The following AHCTF1 variants were observed in gnomAD, a reference collection of about 807,000 sequenced individuals.
AHCTF1 encodes AT-hook containing transcription factor 1, also known as protein ELYS.
A neutral mutation model predicts 248.4 loss-of-function variants in AHCTF1; 24 were observed. That is an observed-to-expected ratio of 0.10 (90% CI 0.07 to 0.14). AHCTF1 has a LOEUF of 0.14. AHCTF1 is among the 10% of genes least tolerant of loss of function. The probability of loss-of-function intolerance (pLI) is 1.00; values close to 1 mark genes in which losing one functional copy is unlikely to be tolerated. For synonymous variants in AHCTF1, 786 were observed against 929.8 expected (o/e 0.85, Z 2.81); for missense variants, 2,206 against 2,636.2 (o/e 0.84, Z 3.57).
chr1:246,882,355 G>C (rs574234875), intron 21 of AHCTF1, among the ~76,000 whole-genome samples: 1 of 152,180 alleles, frequency 6.6e-6, no homozygotes, highest in African/African-American at 2.4e-5. Flanking sequence ...GTACCACATG[G>C]ATCACATTAT....
At chr1:246,854,660 A>G (rs1196429132) in intron 31 of AHCTF1, among the ~76,000 whole-genome samples, 2 of 152,186 alleles carry the variant, frequency 1.3e-5, no homozygotes, top group Non-Finnish European at 2.9e-5. Flanking sequence ...CGCTACACAA[A>G]ACACTTTACA....
chr1:246,865,190 T>C (rs573754104), intron 26 of AHCTF1: 1 of 152,358 alleles, frequency 6.6e-6, no homozygotes, highest in Non-Finnish European at 1.5e-5. Flanking sequence ...GTCTATCTTA[T>C]GGTTGTATTT....
At chr1:246,859,570 A>C (rs1661371357) in intron 29 of AHCTF1, among the ~76,000 whole-genome samples, 1 of 152,110 alleles carries the variant, frequency 6.6e-6, no homozygotes, top group Admixed American at 6.5e-5. Context: ...TCACTAAAAT[A>C]ATATTTTTTT....
At chr1:246,927,211 T>A (rs1393408207) in intron 1 of AHCTF1, among the ~76,000 whole-genome samples, 1 of 146,790 alleles carries the variant, frequency 6.8e-6, no homozygotes, top group Non-Finnish European at 1.5e-5. Flanking sequence ...GGCCAGGCAC[T>A]GTGGCTCACA....
At position 246,890,947 on chromosome 1, in the gene AHCTF1, A is replaced by G. The variant is rs766931539; in HGVS notation, c.2050+9T>C. ...TAATTAATACTTATAGATTAAGTAAATATTTTACCTATGCCTTCTGGTAAA... is the reference window on the plus strand; with the variant it reads ...TAATTAATACTTATAGATTAAGTAAGTATTTTACCTATGCCTTCTGGTAAA... On this transcript the variant is annotated intron_variant, in intron 16 of 35. Coordinates refer to ENST00000648844, the MANE Select transcript of AHCTF1 (RefSeq NM_001323342.2). 4.0e-6 allele frequency: 6 copies of G among 1,487,938 alleles called. No homozygotes were observed. In the South Asian group the frequency reaches 5.7e-5, roughly 14 times the overall value. 92.2% of individuals were successfully genotyped at this position (1,487,938 alleles called of 1,614,324 possible). A position where few individuals can be genotyped will look rare whatever the true frequency, so the allele number is the denominator to read the frequency against.
chr1:246,915,412 G>A (rs943850490), intron 3 of AHCTF1, among the ~76,000 whole-genome samples: 6 of 151,900 alleles, frequency 3.9e-5, no homozygotes, highest in East Asian at 1.9e-4. Flanking sequence ...AAAACCTAAC[G>A]TTTCTGGCCC....
intron 24 of AHCTF1, among the ~76,000 whole-genome samples, chr1:246,871,719 G>T (rs1223347102): frequency 1.3e-5 from 2 of 151,454 alleles, no homozygotes; most frequent in Non-Finnish European, 2.9e-5. Context: ...ATTTTTTTTT[G>T]AGGCCTCCTG....
chr1:246,869,011 A>AT (rs1558231983), intron 24 of AHCTF1, among the ~76,000 whole-genome samples: 1 of 151,092 alleles, frequency 6.6e-6, no homozygotes, highest in Non-Finnish European at 1.5e-5. Flanking sequence ...TGCCTGGCTA[A>AT]CTTTTTCTAT....
At chr1:246,845,246 T>G (rs1010456448) in intron 33 of AHCTF1, among the ~76,000 whole-genome samples, 3 of 152,152 alleles carry the variant, frequency 2.0e-5, no homozygotes, top group African/African-American at 7.2e-5. Context: ...TAAAAATGTT[T>G]TTTGTGGGTA....
chr1:246,843,976 A>G (rs932434617), intron 33 of AHCTF1, 48 bp from the exon 34 acceptor site: 1 of 1,232,218 alleles, frequency 8.1e-7, no homozygotes, highest in Non-Finnish European at 1.1e-6. Context: ...ATATGTGTGT[A>G]TATATATAAA....
intron 24 of AHCTF1, among the ~76,000 whole-genome samples, chr1:246,869,060 G>A (rs1408014743): frequency 2.0e-5 from 3 of 151,534 alleles, no homozygotes; most frequent in South Asian, 2.1e-4. Context: ...TGGCCAGGAT[G>A]GTCTCGATCT....
At chr1:246,928,786 T>C (rs546383693) in intron 1 of AHCTF1, among the ~76,000 whole-genome samples, 3 of 152,346 alleles carry the variant, frequency 2.0e-5, no homozygotes, top group African/African-American at 7.2e-5. Context: ...TTGTATGCAA[T>C]GGTACTTTTT....
At chr1:246,841,553 T>G (rs1003778817) in intron 35 of AHCTF1, among the ~76,000 whole-genome samples, 2 of 152,232 alleles carry the variant, frequency 1.3e-5, no homozygotes, top group Non-Finnish European at 2.9e-5. Context: ...AACAAGATAC[T>G]GTGTAACAAA....
chr1:246,896,011 T>G, intron 12 of AHCTF1, 86 bp from the exon 13 acceptor site: 1 of 1,106,998 alleles, frequency 9.0e-7, no homozygotes, highest in Non-Finnish European at 1.3e-6. Flanking sequence ...ATTTAAAAAT[T>G]TTAAGGCTAA....
At chr1:246,853,630 C>T (rs528702836) in intron 31 of AHCTF1, among the ~76,000 whole-genome samples, 18 of 150,660 alleles carry the variant, frequency 1.2e-4, no homozygotes, top group African/African-American at 4.5e-4. Flanking sequence ...AACCAGCTAT[C>T]CTTGTAGAGT....
intron 3 of AHCTF1, 60 bp from the exon 4 acceptor site, chr1:246,913,472 C>A: frequency 2.7e-6 from 4 of 1,491,256 alleles, no homozygotes; most frequent in Non-Finnish European, 2.7e-6. Flanking sequence ...ATAATTAACA[C>A]AATAAATTTA....
rs1206715202 is a variant in AHCTF1, at chr1:246,849,977, G to A, written c.6029C>T (p.Thr2010Ile). 4 of 1,613,932 alleles carry A rather than the reference G, an allele frequency of 2.5e-6. No homozygotes were observed. Among genetic ancestry groups the A allele is most frequent in the South Asian group, 1.1e-5 (1 of 91,062 alleles). ...TTCACTTTTAGCTGGGGTATTTCTTGTAGATCTCCTTCTAATGCTGGGAGC... is the reference window on the plus strand; with the variant it reads ...TTCACTTTTAGCTGGGGTATTTCTTATAGATCTCCTTCTAATGCTGGGAGC... ...KEAPSIRRRS[T>I]RNTPAKSENV... Residue 2010 changes from threonine (T) to isoleucine (I), a missense_variant, in exon 33 of 36, where the codon ACA becomes ATA. By Grantham distance (89) the Thr-to-Ile change is moderately conservative. Coordinates refer to ENST00000648844, the MANE Select transcript of AHCTF1 (RefSeq NM_001323342.2).
At chr1:246,874,963 T>C (rs1662837361) in intron 24 of AHCTF1, among the ~76,000 whole-genome samples, 1 of 152,184 alleles carries the variant, frequency 6.6e-6, no homozygotes, top group Admixed American at 6.5e-5. Context: ...TCCTGCTATT[T>C]AGCCAGTTTC....
chr1:246,865,090 TAAA>T (rs2103074931), intron 26 of AHCTF1, among the ~76,000 whole-genome samples: 1 of 152,338 alleles, frequency 6.6e-6, no homozygotes, highest in African/African-American at 2.4e-5. Flanking sequence ...AATTTACAGA[TAAA>T]TTTAAACTCA....
Sources: allele counts gnomAD v4.1 joint callset (sites outside exome capture counted in the v4.1 genomes callset), GRCh38; gene constraint gnomAD v4.1.1; transcripts MANE v1.5; gene names NCBI Gene and HGNC (gene_info 2026-07-23, HGNC 2026-07-21).